Variants in DCC observed in about 807,000 individuals in gnomAD.
DCC encodes netrin receptor DCC.
In DCC, 58 loss-of-function variants were observed where a neutral mutation model predicts 172.5. The observed-to-expected ratio is 0.34, with a 90% CI of 0.27 to 0.42. DCC has a LOEUF of 0.42. Ranked by LOEUF, DCC falls within the 10% of genes least tolerant of loss-of-function variation. DCC has a pLI of 1.00. For synonymous variants in DCC, 709 were observed against 644.5 expected (o/e 1.10, Z -1.52); for missense variants, 1,740 against 1,791.0 (o/e 0.97, Z 0.51).
At chr18:52,642,176 C>T (rs1268114210) in intron 1 of DCC, among the ~76,000 whole-genome samples, 1 of 151,498 alleles carries the variant, frequency 6.6e-6, no homozygotes, top group Non-Finnish European at 1.5e-5. Context: ...TTGCGGTGAC[C>T]TGGATGAGAT....
At chr18:52,753,752 G>A (rs1205600741) in intron 2 of DCC, among the ~76,000 whole-genome samples, 1 of 152,086 alleles carries the variant, frequency 6.6e-6, no homozygotes, top group Non-Finnish European at 1.5e-5. Context: ...TGACCATTCT[G>A]GAACCCATGA....
chr18:53,467,706 A>G (rs975904055), intron 24 of DCC, among the ~76,000 whole-genome samples, 188 bp from the exon 25 acceptor site: 4 of 152,220 alleles, frequency 2.6e-5, no homozygotes, highest in Non-Finnish European at 4.4e-5. Flanking sequence ...ATTGTATGCA[A>G]TGAGTTTAGA....
chr18:53,049,108 C>A (rs976720889), intron 5 of DCC, among the ~76,000 whole-genome samples: 16 of 151,790 alleles, frequency 1.1e-4, no homozygotes, highest in Admixed American at 7.9e-4. Context: ...ATGCCTTTGT[C>A]AAATATTTTA....
At chr18:52,627,175 C>T (rs1320123766) in intron 1 of DCC, among the ~76,000 whole-genome samples, 3 of 152,172 alleles carry the variant, frequency 2.0e-5, no homozygotes, top group Non-Finnish European at 4.4e-5. Flanking sequence ...ATTGCACAAC[C>T]CTATACATCC....
At chr18:53,264,733 C>T (rs139083361) in intron 12 of DCC, among the ~76,000 whole-genome samples, 3 of 152,104 alleles carry the variant, frequency 2.0e-5, no homozygotes, top group Non-Finnish European at 4.4e-5. Flanking sequence ...AGGTGATTCT[C>T]CCTTTAACTC....
intron 20 of DCC, among the ~76,000 whole-genome samples, chr18:53,414,603 CT>C (rs1910192489): frequency 6.6e-6 from 1 of 151,900 alleles, no homozygotes; most frequent in Non-Finnish European, 1.5e-5. Flanking sequence ...AATCCCAGCA[CT>C]TTAGGAGGCC....
intron 1 of DCC, among the ~76,000 whole-genome samples, chr18:52,450,762 A>G (rs1377164024): frequency 6.6e-6 from 1 of 152,236 alleles, no homozygotes; most frequent in Non-Finnish European, 1.5e-5. Flanking sequence ...TTATAAATGA[A>G]TGAACCATGT....
At chr18:53,104,332 G>T (rs2043214809) in intron 7 of DCC, among the ~76,000 whole-genome samples, 1 of 152,012 alleles carries the variant, frequency 6.6e-6, no homozygotes, top group South Asian at 2.1e-4. Context: ...TCATGGGGCA[G>T]GTCTTTTCTG....
chr18:53,529,036 T>TCA (rs1293138635), intron 28 of DCC, among the ~76,000 whole-genome samples: 110 of 46,786 alleles, frequency 2.4e-3, no homozygotes, highest in South Asian at 0.011. Flanking sequence ...TCTCTCTCTC[T>TCA]CTCACACACA....
intron 7 of DCC, among the ~76,000 whole-genome samples, chr18:53,136,049 A>T (rs2043735590): frequency 6.6e-6 from 1 of 151,850 alleles, no homozygotes. Flanking sequence ...CATATTTTCA[A>T]TTGATTTTTT....
At chr18:52,435,494 T>G (rs1182539979) in intron 1 of DCC, among the ~76,000 whole-genome samples, 2 of 152,144 alleles carry the variant, frequency 1.3e-5, no homozygotes, top group Non-Finnish European at 2.9e-5. Context: ...ACGCTAATGC[T>G]CTCTAATCCC....
At chr18:52,655,053 G>A (rs1237802245) in intron 1 of DCC, among the ~76,000 whole-genome samples, 3 of 151,424 alleles carry the variant, frequency 2.0e-5, no homozygotes, top group African/African-American at 7.2e-5. Flanking sequence ...AAAGTGGATG[G>A]TTGAAACTGC....
Position 52,808,687 on chromosome 18 carries a change from C to T in DCC, c.412+56313C>T, listed in dbSNP as rs545583530. On this transcript the variant is annotated intron_variant, in intron 2 of 28. Transcript: ENST00000442544. Reference sequence around the variant, plus strand: ...ACCTGCCAGTGGCAGGCAGAAGTTTCCCTGTTGTACGGACTCCTTGCTTTA... The same window carrying T: ...ACCTGCCAGTGGCAGGCAGAAGTTTTCCTGTTGTACGGACTCCTTGCTTTA... Among the ~76,000 whole-genome samples, 4 of 152,250 alleles carry T rather than the reference C, an allele frequency of 2.6e-5. No homozygotes were observed. In the South Asian group the frequency reaches 6.2e-4, roughly 24 times the overall value.
intron 12 of DCC, among the ~76,000 whole-genome samples, chr18:53,265,456 T>C (rs2056662696): frequency 6.6e-6 from 1 of 152,218 alleles, no homozygotes; most frequent in African/African-American, 2.4e-5. Flanking sequence ...TATCAAGCCT[T>C]AAACAAATGT....
chr18:52,603,419 T>C (rs1041086228), intron 1 of DCC, among the ~76,000 whole-genome samples: 1 of 152,016 alleles, frequency 6.6e-6, no homozygotes, highest in Non-Finnish European at 1.5e-5. Context: ...GTAGCATTTT[T>C]AAGACAGTAA....
At chr18:53,386,300 T>G (rs1308876133) in intron 16 of DCC, among the ~76,000 whole-genome samples, 162 bp downstream of exon 16, 1 of 152,220 alleles carries the variant, frequency 6.6e-6, no homozygotes, top group African/African-American at 2.4e-5. Flanking sequence ...TAAGTACATA[T>G]GTATACTTGC....
At chr18:53,339,202 C>T (rs550441566) in intron 14 of DCC, among the ~76,000 whole-genome samples, 12 of 152,174 alleles carry the variant, frequency 7.9e-5, no homozygotes, top group Non-Finnish European at 1.3e-4. Flanking sequence ...ATTTAATAAA[C>T]CATGAATCAA....
chr18:52,926,456 TG>T (rs1378207431), intron 5 of DCC, among the ~76,000 whole-genome samples: 2 of 151,870 alleles, frequency 1.3e-5, no homozygotes, highest in Admixed American at 1.3e-4. Flanking sequence ...AAATATTAGC[TG>T]CCTTTAAAAT....
intron 2 of DCC, among the ~76,000 whole-genome samples, chr18:52,789,708 G>A (rs552299976): frequency 1.3e-5 from 2 of 152,108 alleles, no homozygotes; most frequent in South Asian, 4.1e-4. Context: ...TTGCAAAATT[G>A]TGACTGAGAC....
Sources: allele counts gnomAD v4.1 joint callset (sites outside exome capture counted in the v4.1 genomes callset), GRCh38; gene constraint gnomAD v4.1.1; transcripts MANE v1.5; gene names NCBI Gene and HGNC (gene_info 2026-07-23, HGNC 2026-07-21).